Variants in UGT1A5 observed in about 807,000 individuals in gnomAD.
UGT1A5 encodes the protein UDP-glucuronosyltransferase 1A5.
UGT1A5 carries 29 observed loss-of-function variants against 40.3 expected under a neutral mutation model. The ratio of observed to expected loss-of-function variants is 0.72; its 90% CI spans 0.54 to 0.98. The LOEUF is 0.98. Among genes scored for constraint, UGT1A5 ranks in the 50% least tolerant of loss-of-function variants. The pLI is 0.00. For synonymous variants in UGT1A5, 257 were observed against 262.5 expected, an observed-to-expected ratio of 0.98 and a Z score of 0.20; for missense variants, 678 against 677.9, an observed-to-expected ratio of 1.00 and a Z score of 0.00.
intron 1 of UGT1A5, among the ~76,000 whole-genome samples, chr2:233,728,574 G>A (rs45507691): frequency 0.037 from 5,630 of 152,284 alleles, 132 homozygotes; most frequent in Non-Finnish European, 0.057. Flanking sequence ...ATCCTGGTGC[G>A]AAAAACGACC....
intron 1 of UGT1A5, among the ~76,000 whole-genome samples, chr2:233,749,903 C>T (rs1384807685): frequency 6.6e-6 from 1 of 151,914 alleles, no homozygotes; most frequent in Non-Finnish European, 1.5e-5. Flanking sequence ...CCTCCAGCCA[C>T]CTGGAACTGT....
intron 1 of UGT1A5, among the ~76,000 whole-genome samples, chr2:233,724,763 C>T (rs1463546601): frequency 2.8e-5 from 4 of 143,224 alleles, no homozygotes; most frequent in African/African-American, 8.0e-5. Context: ...GATGGGCGGC[C>T]AGGCAGAGAC....
intron 1 of UGT1A5, chr2:233,743,796 C>T (rs774777752): frequency 7.3e-7 from 1 of 1,367,346 alleles, no homozygotes; most frequent in South Asian, 1.1e-5. Flanking sequence ...CTCTCCGCTT[C>T]CTCCTTGTTC....
intron 1 of UGT1A5, chr2:233,743,541 ACC>A (rs544018510): frequency 1.5e-6 from 2 of 1,366,832 alleles, no homozygotes; most frequent in Non-Finnish European, 2.0e-6. Context: ...AGTTCCTCTG[ACC>A]CCCCCAAAAT....
At position 233,772,492 on chromosome 2, in the gene UGT1A5, A is replaced by G; in HGVS notation, c.1538A>G (p.Tyr513Cys). Reference sequence around the variant, plus strand: ...TTCATCACCTTTAAATGTTGTGCTTATGGCTACCGGAAATGCTTGGGGAAA... The same window carrying G: ...TTCATCACCTTTAAATGTTGTGCTTGTGGCTACCGGAAATGCTTGGGGAAA... ...VAFITFKCCA[Y>C]GYRKCLGKKG... Residue 513 changes from tyrosine (Y) to cysteine (C), a missense_variant, in exon 5 of 5, where the codon TAT (tyrosine) becomes TGT (cysteine). Coordinates refer to ENST00000373414, the MANE Select transcript of UGT1A5 (RefSeq NM_019078.2). 6.2e-7 allele frequency: 1 copy of G among 1,614,134 alleles called. No individual in the cohort carries two copies. The highest frequency in any genetic ancestry group is 1.1e-5 in the South Asian group (1 of 91,080).
chr2:233,726,801 T>G (rs2077562254), intron 1 of UGT1A5, among the ~76,000 whole-genome samples: 1 of 152,218 alleles, frequency 6.6e-6, no homozygotes, highest in Non-Finnish European at 1.5e-5. Context: ...ATTCAAGGCT[T>G]GGAGGTTTTC....
chr2:233,721,336 T>C (rs1211352998), intron 1 of UGT1A5, among the ~76,000 whole-genome samples: 1 of 152,216 alleles, frequency 6.6e-6, no homozygotes, highest in African/African-American at 2.4e-5. Context: ...TTTTTCACTA[T>C]GAATATATTC....
intron 1 of UGT1A5, among the ~76,000 whole-genome samples, chr2:233,720,958 G>A (rs777333216): frequency 6.0e-5 from 9 of 149,038 alleles, no homozygotes; most frequent in African/African-American, 1.0e-4. Flanking sequence ...TGATCTGCCC[G>A]CCTCGGCCTC....
At chr2:233,736,495 T>A (rs1388265552) in intron 1 of UGT1A5, among the ~76,000 whole-genome samples, 4 of 152,228 alleles carry the variant, frequency 2.6e-5, no homozygotes, top group Admixed American at 2.6e-4. Context: ...CTACCAAACT[T>A]CTGAAGCCTA....
chr2:233,772,380 C>A lies in UGT1A5; in HGVS notation c.1426C>A (p.Arg476Ser), dbSNP rs566674185. ...GAGGCACAAGGGCGCGCCACACCTG[C>A]GCCCCGCAGCCCACGACCTCACCTG... ...VMRHKGAPHL[R>S]PAAHDLTWYQ... Residue 476 changes from arginine to serine, a missense_variant, in exon 5 of 5, where the codon CGC becomes AGC. Transcript: ENST00000373414. The A allele has an allele frequency of 6.2e-7, 1 of 1,614,262 alleles. No homozygotes were observed. The highest frequency in any genetic ancestry group is 1.1e-5 in the South Asian group (1 of 91,086).
At chr2:233,729,454 T>A (rs758737792) in intron 1 of UGT1A5, 14 of 1,613,924 alleles carry the variant, frequency 8.7e-6, no homozygotes, top group Non-Finnish European at 1.2e-5. Flanking sequence ...TCTGAAGAAA[T>A]TTTTCAGAAG....
At chr2:233,727,866 T>A (rs1246200452) in intron 1 of UGT1A5, among the ~76,000 whole-genome samples, 1 of 152,128 alleles carries the variant, frequency 6.6e-6, no homozygotes, top group Non-Finnish European at 1.5e-5. Flanking sequence ...AAGGGAAGCC[T>A]CAGCCTCACC....
In UGT1A5 at chr2:233,717,706, G is replaced by C. The variant is rs578061394; in HGVS notation, c.867+3848G>C. On this transcript the variant is annotated intron_variant, in intron 1 of 4. Transcript: ENST00000373414. The stretch of plus-strand genomic sequence containing the variant: ...TAGGAGTGACTTTCTGGAGCAGGAC[G>C]AGCCTCATGGGCATGAGACCATTGT... The C allele has an allele frequency of 8.4e-4, 379 of 451,272 alleles. 6 individuals carry two copies. The highest frequency in any genetic ancestry group is 5.8e-3 in the South Asian group (371 of 64,162). 28.0% of individuals were successfully genotyped at this position (451,272 alleles called of 1,614,324 possible). A position where few individuals can be genotyped will look rare whatever the true frequency, so the allele number is the denominator to read the frequency against.
At chr2:233,725,264 G>GGCAGAGGCAGAGGCAGAGGCAGAGGCA (rs1216362118) in intron 1 of UGT1A5, among the ~76,000 whole-genome samples, 1 of 58,548 alleles carries the variant, frequency 1.7e-5, no homozygotes, top group African/African-American at 1.3e-4. Flanking sequence ...CAGAGGCAGA[G>GGCAGAGGCAGAGGCAGAGGCAGAGGCA]GAGGCAGAGG....
chr2:233,760,044 T>C (rs183598295), intron 1 of UGT1A5, among the ~76,000 whole-genome samples: 36 of 152,234 alleles, frequency 2.4e-4, no homozygotes, highest in East Asian at 9.6e-4. Context: ...CTTTGCTGTG[T>C]TCACTCAAGA....
intron 1 of UGT1A5, among the ~76,000 whole-genome samples, chr2:233,757,818 T>C (rs527929450): frequency 1.3e-5 from 2 of 151,564 alleles, no homozygotes; most frequent in East Asian, 3.9e-4. Flanking sequence ...GAGCTGGTAG[T>C]GTGTCTGATG....
At chr2:233,726,524 T>C (rs1232953438) in intron 1 of UGT1A5, among the ~76,000 whole-genome samples, 1 of 152,258 alleles carries the variant, frequency 6.6e-6, no homozygotes, top group East Asian at 1.9e-4. Flanking sequence ...TTTTCCACTT[T>C]TAGGGAGATG....
chr2:233,770,138 C>T (rs1700024160), intron 4 of UGT1A5: 1 of 152,234 alleles, frequency 6.6e-6, no homozygotes. Context: ...TCCTCTAATA[C>T]ATTATTTTTT....
intron 1 of UGT1A5, chr2:233,747,341 C>T: frequency 6.2e-7 from 1 of 1,603,526 alleles, no homozygotes; most frequent in Non-Finnish European, 8.5e-7. Flanking sequence ...CACTGGCTCG[C>T]ATGCGGGAGG....
Sources: allele counts gnomAD v4.1 joint callset (sites outside exome capture counted in the v4.1 genomes callset), GRCh38; gene constraint gnomAD v4.1.1; transcripts MANE v1.5; gene names NCBI Gene and HGNC (gene_info 2026-07-23, HGNC 2026-07-21).